Variants in WFDC8 observed in about 807,000 individuals in gnomAD.
WFDC8 encodes WAP four-disulfide core domain 8.
A neutral mutation model predicts 27.0 loss-of-function variants in WFDC8; 24 were observed. The observed-to-expected ratio is 0.89, with a 90% CI of 0.64 to 1.25. The LOEUF (loss-of-function observed/expected upper bound fraction) is 1.25. WFDC8 is among the 50% of genes most tolerant of loss of function. The pLI, the probability that WFDC8 is intolerant of heterozygous loss-of-function variation, is 0.00. For synonymous variants in WFDC8, 106 were observed against 99.7 expected (o/e 1.06, Z -0.38); for missense variants, 287 against 295.9 (o/e 0.97, Z 0.22).
downstream of WFDC8, chr20:45,551,617 C>CAAAAAAAAA (rs11479142): frequency 8.0e-6 from 1 of 124,526 alleles, no homozygotes. Flanking sequence ...CTCCGTCTCA[C>CAAAAAAAAA]AAAAAAAAAA....
intron 2 of WFDC8, among the ~76,000 whole-genome samples, chr20:45,559,478 G>A (rs1980387856): frequency 6.6e-6 from 1 of 152,202 alleles, no homozygotes; most frequent in African/African-American, 2.4e-5. Flanking sequence ...AAGAAACAGT[G>A]GAGTGGAAGA....
intron 4 of WFDC8, among the ~76,000 whole-genome samples, 192 bp downstream of exon 4, chr20:45,555,509 T>C (rs578251712): frequency 6.6e-6 from 1 of 152,298 alleles, no homozygotes; most frequent in East Asian, 1.9e-4. Flanking sequence ...ATACTATTAT[T>C]AACCTCATTC....
chr20:45,578,043 A>G (rs1981107763), intron 1 of WFDC8, among the ~76,000 whole-genome samples: 1 of 150,424 alleles, frequency 6.6e-6, no homozygotes, highest in South Asian at 2.1e-4. Context: ...AAATAAATAA[A>G]TAAATAAAGT....
chr20:45,578,998 T>C (rs1981141112), intron 1 of WFDC8, among the ~76,000 whole-genome samples: 1 of 152,108 alleles, frequency 6.6e-6, no homozygotes, highest in Admixed American at 6.6e-5. Flanking sequence ...TCCCAGCTAC[T>C]AGGGAGGCTA....
intron 2 of WFDC8, among the ~76,000 whole-genome samples, chr20:45,561,412 A>G (rs1327088831): frequency 1.3e-5 from 2 of 152,132 alleles, no homozygotes; most frequent in Non-Finnish European, 1.5e-5. Context: ...AAACAGAACT[A>G]TTATCTTCTT....
rs144562871 is a variant in WFDC8 at position 45,579,170 on chromosome 20, G to T, written c.26+52C>A. On this transcript the variant is annotated intron_variant, in intron 1 of 5. Transcript: ENST00000289953. ...TTCTATGTATCCTCCTCATCTCCTTGGGCTCAGACCCTCCATGTCTGGCTA... is the reference window on the plus strand; with the variant it reads ...TTCTATGTATCCTCCTCATCTCCTTTGGCTCAGACCCTCCATGTCTGGCTA... 4.1e-4 allele frequency: 654 copies of T among 1,584,268 alleles called. No homozygotes were observed. The African/African-American group carries it at 7.1e-3, about 17-fold the overall frequency.
chr20:45,554,578 C>A (rs1980170296), intron 4 of WFDC8, among the ~76,000 whole-genome samples: 1 of 152,206 alleles, frequency 6.6e-6, no homozygotes, highest in Admixed American at 6.5e-5. Flanking sequence ...GAGGTATTAT[C>A]AGGTTGCCTC....
chr20:45,573,623 A>G (rs1980944734), intron 1 of WFDC8, among the ~76,000 whole-genome samples: 2 of 152,260 alleles, frequency 1.3e-5, no homozygotes, highest in East Asian at 3.9e-4. Flanking sequence ...TTGCTGCAAA[A>G]GACATTATTT....
chr20:45,573,056 C>T (rs1394219695), intron 1 of WFDC8, among the ~76,000 whole-genome samples: 1 of 152,154 alleles, frequency 6.6e-6, no homozygotes, highest in Non-Finnish European at 1.5e-5. Context: ...TTTTCTCTCA[C>T]TCTATGAGTT....
intron 1 of WFDC8, among the ~76,000 whole-genome samples, chr20:45,567,296 T>C (rs1980713123): frequency 6.6e-6 from 1 of 152,092 alleles, no homozygotes; most frequent in Non-Finnish European, 1.5e-5. Flanking sequence ...AATACATAAA[T>C]ATATTCAAAA....
chr20:45,572,523 G>A (rs1286438884), intron 1 of WFDC8, among the ~76,000 whole-genome samples: 2 of 151,606 alleles, frequency 1.3e-5, no homozygotes, highest in South Asian at 2.1e-4. Flanking sequence ...ATTTTAATTT[G>A]CATTTCCCTG....
rs1001198082 is a variant in WFDC8 at position 45,577,111 on chromosome 20, A to T, written c.26+2111T>A. On this transcript the variant is annotated intron_variant, in intron 1 of 5. Transcript: ENST00000289953. ...TACACATTCCCAGCTGAAGTCAAAC[A>T]AGGCAACGCTCTGCTTGTTTAAGCT... Among the ~76,000 whole-genome samples the T allele has an allele frequency of 2.0e-4, 30 of 151,458 alleles. 1 individual carries two copies. The highest frequency in any genetic ancestry group is 6.5e-4 in the African/African-American group (27 of 41,404).
intron 3 of WFDC8, among the ~76,000 whole-genome samples, chr20:45,557,390 T>G (rs150623783): frequency 1.1e-3 from 166 of 152,246 alleles, no homozygotes; most frequent in African/African-American, 3.7e-3. Flanking sequence ...TTGTAATGGT[T>G]CCTATTTTGA....
At chr20:45,561,453 G>A (rs906911192) in intron 2 of WFDC8, among the ~76,000 whole-genome samples, 6 of 152,076 alleles carry the variant, frequency 3.9e-5, no homozygotes, top group African/African-American at 1.2e-4. Flanking sequence ...TTTCTATTCC[G>A]CATCTTGACA....
intron 1 of WFDC8, among the ~76,000 whole-genome samples, chr20:45,576,650 G>A (rs931949875): frequency 4.0e-5 from 6 of 151,364 alleles, no homozygotes; most frequent in Admixed American, 1.3e-4. Flanking sequence ...TGCCTGCCTC[G>A]GCCTCCCAAA....
rs1013895580 is a variant in WFDC8, at chr20:45,562,314, C to G, written c.27-95G>C. 1.5e-5 allele frequency: 15 copies of G among 985,132 alleles called. No homozygotes were observed. The African/African-American group carries it at 2.3e-4, about 15-fold the overall frequency. The allele number at this position is 985,132 out of a possible 1,614,324, so 61.0% of individuals were successfully genotyped here. A position where few individuals can be genotyped will look rare whatever the true frequency, so the allele number is the denominator to read the frequency against. On this transcript the variant is annotated intron_variant, in intron 1 of 5. Transcript: ENST00000289953. ...ACCTTAGAGATGATCCACCAGGTCC[C>G]TTTAGTTCACAGGTAAGAAGACTGA...
At chr20:45,567,649 G>A (rs78791336) in intron 1 of WFDC8, among the ~76,000 whole-genome samples, 3,834 of 152,204 alleles carry the variant, frequency 0.025, 150 homozygotes, top group African/African-American at 0.088. Context: ...AAAGGAACCA[G>A]ACTTCTAAAG....
intron 1 of WFDC8, chr20:45,568,466 T>C (rs567262669): frequency 1.1e-4 from 35 of 304,458 alleles, no homozygotes; most frequent in African/African-American, 7.1e-4. Context: ...TCTCCATCTG[T>C]TTCATATGGC....
intron 4 of WFDC8, among the ~76,000 whole-genome samples, 165 bp from the exon 5 acceptor site, chr20:45,553,441 C>T (rs985358984): frequency 2.6e-5 from 4 of 152,184 alleles, no homozygotes; most frequent in Non-Finnish European, 4.4e-5. Flanking sequence ...CTCATCATAT[C>T]ATGGGATATG....
Sources: gnomAD v4.1 joint callset for allele counts (sites outside exome capture counted in the v4.1 genomes callset) on GRCh38, gnomAD v4.1.1 for gene constraint, MANE v1.5 for transcripts, NCBI Gene and HGNC (gene_info 2026-07-23, HGNC 2026-07-21) for gene names.